Variants in ARPC1A observed in about 807,000 individuals in gnomAD.
The protein encoded by ARPC1A is actin related protein 2/3 complex subunit 1A.
A neutral mutation model predicts 46.9 loss-of-function variants in ARPC1A; 8 were observed. The ratio of observed to expected loss-of-function variants is 0.17; its 90% CI spans 0.10 to 0.31. The LOEUF (loss-of-function observed/expected upper bound fraction) is 0.31, where lower values mean the gene tolerates loss of function less well. Ranked by LOEUF, ARPC1A falls within the 10% of genes least tolerant of loss-of-function variation. The pLI, the probability that ARPC1A is intolerant of heterozygous loss-of-function variation, is 1.00. For missense variants in ARPC1A, 286 were observed against 483.6 expected (o/e 0.59, Z 3.83); for synonymous variants, 152 against 169.0 (o/e 0.90, Z 0.78).
rs1172071932 is a variant in ARPC1A at position 99,344,920 on chromosome 7, CTTTTTTTTTT to C, written c.392+425_392+434del. 2.0e-4 allele frequency among the ~76,000 whole-genome samples: 4 copies of C among 20,100 alleles called. 1 individual carries two copies. Among genetic ancestry groups the C allele is most frequent in the Non-Finnish European group, 2.8e-4 (3 of 10,742 alleles). The allele number at this position is 20,100 out of a possible 152,430, so 13.2% of individuals were successfully genotyped here. On this transcript the variant is annotated intron_variant, in intron 4 of 9. Coordinates refer to ENST00000262942, the MANE Select transcript of ARPC1A (RefSeq NM_006409.4). ...TAGGATTCCTACAGATAACAATGTT[CTTTTTTTTTT>C]TTTTTTTTTTTTTTTTTTTGAGACA...
Position 99,359,630 on chromosome 7 carries a change from G to A in ARPC1A, c.875G>A (p.Ser292Asn). The A allele has an allele frequency of 1.2e-6, 2 of 1,614,078 alleles. No individual in the cohort carries two copies. The highest frequency in any genetic ancestry group is 2.2e-5 in the East Asian group (1 of 44,858). The change falls in exon 8 of 10, where the codon AGC becomes AAC. Residue 292 changes from serine (S) to asparagine (N), a missense_variant. By Grantham distance (46) the Ser-to-Asn change is conservative. Transcript: ENST00000262942. ...TCCAAGTTAGATATTCCAAAACAGA[G>A]CATCCAACGCAACATGTCTGCCATG... ...FVSKLDIPKQ[S>N]IQRNMSAMER...
chr7:99,341,143 T>C (rs929140124), intron 3 of ARPC1A, among the ~76,000 whole-genome samples: 1 of 151,204 alleles, frequency 6.6e-6, no homozygotes, highest in Admixed American at 6.6e-5. Flanking sequence ...ACCCTGTCTC[T>C]ACTAAAAATA....
At chr7:99,365,006 G>A (rs1793809615) in intron 9 of ARPC1A, among the ~76,000 whole-genome samples, 1 of 152,134 alleles carries the variant, frequency 6.6e-6, no homozygotes, top group South Asian at 2.1e-4. Context: ...GGTTTTGGAG[G>A]GAGGGACTGT....
intron 5 of ARPC1A, 119 bp downstream of exon 5, chr7:99,349,078 G>A (rs1793508242): frequency 1.0e-6 from 1 of 1,000,332 alleles, no homozygotes; most frequent in Admixed American, 2.3e-5. Flanking sequence ...TTTGAGACAG[G>A]GTCTCACTCT....
intron 3 of ARPC1A, among the ~76,000 whole-genome samples, chr7:99,341,216 T>C (rs1283311403): frequency 1.4e-5 from 2 of 148,018 alleles, no homozygotes; most frequent in Non-Finnish European, 3.0e-5. Flanking sequence ...GGCTGAGACA[T>C]GAGAATCGCT....
intron 8 of ARPC1A, 55 bp downstream of exon 8, chr7:99,359,793 G>C (rs552682561): frequency 1.9e-6 from 3 of 1,585,958 alleles, no homozygotes; most frequent in East Asian, 4.5e-5. Flanking sequence ...CCTGCCCCTC[G>C]CTGTTTCCTT....
chr7:99,366,085 G>T lies in ARPC1A; in HGVS notation c.*156G>T. 1 of 951,212 alleles carries T rather than the reference G, an allele frequency of 1.1e-6. No individual in the cohort carries two copies. The highest frequency in any genetic ancestry group is 1.5e-6 in the Non-Finnish European group (1 of 660,016). 58.9% of individuals were successfully genotyped at this position (951,212 alleles called of 1,614,324 possible). A position where few individuals can be genotyped will look rare whatever the true frequency, so the allele number is the denominator to read the frequency against. On this transcript the variant is annotated 3_prime_UTR_variant, in exon 10 of 10. Transcript: ENST00000262942. ...GTTTGAATATAAAATTGGTGAAAGTGTTGGTTTTTTTAAGGCAGTAATTTT... is the reference window on the plus strand; with the variant it reads ...GTTTGAATATAAAATTGGTGAAAGTTTTGGTTTTTTTAAGGCAGTAATTTT...
intron 3 of ARPC1A, among the ~76,000 whole-genome samples, chr7:99,340,546 G>A (rs993528540): frequency 1.3e-5 from 2 of 152,098 alleles, no homozygotes; most frequent in Non-Finnish European, 2.9e-5. Context: ...GGGCTCAAGT[G>A]ATCCTCCCAT....
chr7:99,358,639 C>T, intron 7 of ARPC1A: 1 of 472,306 alleles, frequency 2.1e-6, no homozygotes. Flanking sequence ...CTCCCGGGTT[C>T]AAGCGATTCT....
intron 1 of ARPC1A, among the ~76,000 whole-genome samples, chr7:99,329,143 A>G (rs1466056219): frequency 6.6e-6 from 1 of 151,980 alleles, no homozygotes; most frequent in East Asian, 1.9e-4. Context: ...TACTAAAAAT[A>G]CAAAAAAATT....
intron 1 of ARPC1A, among the ~76,000 whole-genome samples, chr7:99,329,658 G>A (rs558898836): frequency 9.2e-5 from 14 of 152,322 alleles, no homozygotes; most frequent in Non-Finnish European, 1.6e-4. Flanking sequence ...TATGGAACTT[G>A]AATGATATGG....
intron 1 of ARPC1A, among the ~76,000 whole-genome samples, chr7:99,329,288 G>A (rs1347752198): frequency 2.0e-5 from 3 of 150,334 alleles, no homozygotes; most frequent in East Asian, 2.0e-4. Flanking sequence ...GCGACAGAGC[G>A]AGACTCCGTC....
At chr7:99,333,182 A>G in intron 1 of ARPC1A, 143 bp from the exon 2 acceptor site, 2 of 618,106 alleles carry the variant, frequency 3.2e-6, no homozygotes, top group Non-Finnish European at 5.7e-6. Flanking sequence ...AGCGTGAGCC[A>G]CCGTGCCTGG....
At position 99,335,968 on chromosome 7, in the gene ARPC1A, A is replaced by G. The variant is rs1430861999; in HGVS notation, c.65-2213A>G. On this transcript the variant is annotated intron_variant, in intron 2 of 9. Transcript: ENST00000262942. The stretch of plus-strand genomic sequence containing the variant: ...GACTCAGTCTCAAAAAAGAAAAAAA[A>G]AAAAGCCTCTGTATTGGGTAATTGA... 4.6e-5 allele frequency among the ~76,000 whole-genome samples: 7 copies of G among 152,116 alleles called. No homozygotes were observed. The East Asian group carries it at 5.8e-4, about 13-fold the overall frequency.
At chr7:99,346,216 CAAA>C (rs34608892) in intron 4 of ARPC1A, among the ~76,000 whole-genome samples, 3 of 96,794 alleles carry the variant, frequency 3.1e-5, no homozygotes, top group Admixed American at 1.1e-4. Context: ...AACTCCGTCT[CAAA>C]AAAAAAAAAA....
chr7:99,353,113 T>TTATG (rs1359882913), intron 5 of ARPC1A, among the ~76,000 whole-genome samples: 17 of 136,716 alleles, frequency 1.2e-4, no homozygotes, highest in East Asian at 2.1e-4. Flanking sequence ...TTTAGTTTAG[T>TTATG]TTATGTTATG....
At chr7:99,343,066 A>G (rs983094611) in intron 3 of ARPC1A, among the ~76,000 whole-genome samples, 2 of 151,888 alleles carry the variant, frequency 1.3e-5, no homozygotes, top group Non-Finnish European at 2.9e-5. Flanking sequence ...TCTTTTTTCC[A>G]TATAAATGTC....
intron 8 of ARPC1A, among the ~76,000 whole-genome samples, chr7:99,361,836 C>T (rs1454449612): frequency 1.4e-4 from 22 of 152,330 alleles, no homozygotes; most frequent in Non-Finnish European, 8.8e-5. Flanking sequence ...GTCTCTGTTG[C>T]AACTACTGAA....
intron 6 of ARPC1A, among the ~76,000 whole-genome samples, chr7:99,355,532 G>A (rs1793613401): frequency 6.6e-6 from 1 of 152,092 alleles, no homozygotes; most frequent in South Asian, 2.1e-4. Flanking sequence ...ATCACTTGAG[G>A]TCAGGAGTTC....
Sources: gnomAD v4.1 joint callset for allele counts (sites outside exome capture counted in the v4.1 genomes callset) on GRCh38, gnomAD v4.1.1 for gene constraint, MANE v1.5 for transcripts, NCBI Gene and HGNC (gene_info 2026-07-23, HGNC 2026-07-21) for gene names.